VEZT: variants seen among roughly 807,000 people sequenced by gnomAD.
The protein encoded by VEZT is vezatin, adherens junctions transmembrane protein.
Under a neutral mutation model 79.9 loss-of-function variants are expected in VEZT, and 39 were observed. The observed-to-expected ratio is 0.49, with a 90% CI of 0.38 to 0.64. The LOEUF (loss-of-function observed/expected upper bound fraction) is 0.64. VEZT is among the 30% of genes least tolerant of loss of function. VEZT has a pLI of 0.00. For synonymous variants in VEZT, 325 were observed against 327.6 expected, an observed-to-expected ratio of 0.99 and a Z score of 0.09; for missense variants, 837 against 893.1, an observed-to-expected ratio of 0.94 and a Z score of 0.80.
At position 95,251,877 on chromosome 12, in the gene VEZT, G is replaced by C. The variant is rs2062665482; in HGVS notation, c.37-63G>C. ...AATAGTGAAGTCTGGTATTAAGTTT[G>C]GCCCCCGAAACTTTTGAAGTAGTAA... is the stretch of plus-strand genomic sequence containing the variant. On this transcript the variant is annotated intron_variant, in intron 1 of 11. Transcript: ENST00000436874. 5 of 1,511,456 alleles carry C rather than the reference G, an allele frequency of 3.3e-6. No individual in the cohort carries two copies. In the Admixed American group the frequency reaches 9.7e-5, roughly 29 times the overall value. 93.6% of individuals were successfully genotyped at this position (1,511,456 alleles called of 1,614,324 possible).
chr12:95,236,670 A>G (rs142450426), intron 1 of VEZT, among the ~76,000 whole-genome samples: 1 of 151,208 alleles, frequency 6.6e-6, no homozygotes, highest in Non-Finnish European at 1.5e-5. Context: ...TCCTGGGTTC[A>G]GGTGATTCTC....
At chr12:95,222,863 G>A (rs2136486945) in intron 1 of VEZT, among the ~76,000 whole-genome samples, 1 of 152,208 alleles carries the variant, frequency 6.6e-6, no homozygotes, top group Admixed American at 6.5e-5. Context: ...TGTGCTCTAG[G>A]ACTGATTTTA....
rs552801776 is a variant in VEZT, at chr12:95,282,534, C to G, written c.1218C>G (p.His406Gln). The change falls in exon 8 of 12, where the codon CAC becomes CAG. Residue 406 changes from histidine (H) to glutamine (Q), a missense_variant. Transcript: ENST00000436874. ...YEFYRYFETQ[H>Q]QSVPQCLSKT... The stretch of plus-strand genomic sequence containing the variant: ...TCTATCGGTACTTTGAAACTCAGCA[C>G]CAGTCAGTACCGCAGTGTTTATCCA... 17 of 1,613,980 alleles carry G rather than the reference C, an allele frequency of 1.1e-5. No homozygotes were observed. Among genetic ancestry groups the G allele is most frequent in the Non-Finnish European group, 1.4e-5 (17 of 1,179,880 alleles).
At chr12:95,258,554 C>T (rs768391151) in intron 3 of VEZT, among the ~76,000 whole-genome samples, 6 of 152,050 alleles carry the variant, frequency 3.9e-5, no homozygotes, top group African/African-American at 4.8e-5. Flanking sequence ...TTGATTGTGA[C>T]GTATTTAAAA....
intron 1 of VEZT, among the ~76,000 whole-genome samples, chr12:95,228,370 A>G (rs1028095429): frequency 1.8e-4 from 27 of 152,284 alleles, no homozygotes; most frequent in African/African-American, 6.5e-4. Flanking sequence ...ATTCTTTCTT[A>G]CTTGTATTAT....
At chr12:95,257,936 C>T (rs1048825227) in intron 3 of VEZT, among the ~76,000 whole-genome samples, 3 of 152,196 alleles carry the variant, frequency 2.0e-5, no homozygotes, top group African/African-American at 7.2e-5. Context: ...GCTTCAGTAA[C>T]GAGAAAACCA....
In VEZT at chr12:95,263,077, A is replaced by G. The variant is rs1274815389; in HGVS notation, c.430A>G (p.Ile144Val). The G allele has an allele frequency of 1.2e-6, 2 of 1,602,044 alleles. No homozygotes were observed. Among genetic ancestry groups the G allele is most frequent in the Admixed American group, 3.4e-5 (2 of 59,552 alleles). ...PTLCSLATPN[I>V]WDLSMLFAFI... ...ACTTTGCTCCCTGGCAACCCCTAAT[A>G]TTTGGTACTGTCCAGAAAACACCTA... is the stretch of plus-strand genomic sequence containing the variant. The change falls in exon 4 of 12, where the codon ATT (isoleucine) becomes GTT (valine). Residue 144 changes from isoleucine to valine, a missense_variant. By Grantham distance (29) the Ile-to-Val change is conservative. Transcript: ENST00000436874.
chr12:95,294,465 T>A, intron 10 of VEZT, 93 bp downstream of exon 10: 1 of 1,062,914 alleles, frequency 9.4e-7, no homozygotes, highest in African/African-American at 1.6e-5. Context: ...TTATATCAGA[T>A]CATTAGTTCT....
At chr12:95,243,669 T>C (rs2061343628) in intron 1 of VEZT, among the ~76,000 whole-genome samples, 1 of 152,180 alleles carries the variant, frequency 6.6e-6, no homozygotes. Flanking sequence ...ATGTTGAAAT[T>C]TAATTGCCAT....
Position 95,287,666 on chromosome 12 carries a change from T to C in VEZT, c.1331T>C (p.Val444Ala), listed in dbSNP as rs1239258984. The C allele has an allele frequency of 1.3e-6, 2 of 1,555,310 alleles. No homozygotes were observed. Among genetic ancestry groups the C allele is most frequent in the African/African-American group, 2.7e-5 (2 of 73,446 alleles). The change falls in exon 9 of 12, where the codon GTA becomes GCA. Residue 444 changes from valine to alanine, a missense_variant and splice_region_variant. Val to Ala is a moderately conservative substitution (Grantham distance 64). Coordinates refer to ENST00000436874, the MANE Select transcript of VEZT (RefSeq NM_017599.4). ...TTCTGTTTTTCTTTATGACTCAGGG[T>C]AATAATTCTTGAAGATGAACTTGAA... ...QLHLKALLNE[V>A]IILEDELEKL...
At chr12:95,279,319 G>A (rs1463149583) in intron 7 of VEZT, among the ~76,000 whole-genome samples, 1 of 151,984 alleles carries the variant, frequency 6.6e-6, no homozygotes, top group East Asian at 1.9e-4. Flanking sequence ...TTTGGATTAG[G>A]GATACTCAAT....
intron 7 of VEZT, among the ~76,000 whole-genome samples, chr12:95,277,463 T>TA (rs576849435): frequency 0.086 from 12,764 of 148,426 alleles, 569 homozygotes; most frequent in Middle Eastern, 0.12. Flanking sequence ...CAACCCTGTT[T>TA]AAAAAAAAAA....
chr12:95,235,532 G>A (rs1249248659), intron 1 of VEZT, among the ~76,000 whole-genome samples: 34 of 142,288 alleles, frequency 2.4e-4, no homozygotes, highest in Non-Finnish European at 2.9e-4. Context: ...GCAGCTGGCC[G>A]GGCGGGGGGC....
At chr12:95,235,464 G>T (rs530851143) in intron 1 of VEZT, among the ~76,000 whole-genome samples, 8,683 of 119,782 alleles carry the variant, frequency 0.072, 267 homozygotes, top group Non-Finnish European at 0.11. Flanking sequence ...GGGCAGAGGG[G>T]CTCCTCACTT....
At chr12:95,248,315 A>G (rs1253486259) in intron 1 of VEZT, among the ~76,000 whole-genome samples, 1 of 152,250 alleles carries the variant, frequency 6.6e-6, no homozygotes, top group Non-Finnish European at 1.5e-5. Context: ...TCTGTGATAT[A>G]TAAAGTGAAT....
At chr12:95,257,722 G>A (rs1266005139) in intron 3 of VEZT, among the ~76,000 whole-genome samples, 2 of 152,170 alleles carry the variant, frequency 1.3e-5, no homozygotes, top group Non-Finnish European at 2.9e-5. Context: ...AATCCAGGGA[G>A]TATAGCCTAA....
intron 1 of VEZT, among the ~76,000 whole-genome samples, chr12:95,246,718 G>T (rs143850307): frequency 6.6e-6 from 1 of 152,266 alleles, no homozygotes; most frequent in African/African-American, 2.4e-5. Flanking sequence ...TTCCTGAGGA[G>T]CTCCCACATG....
At chr12:95,257,889 G>T (rs913526102) in intron 3 of VEZT, among the ~76,000 whole-genome samples, 1 of 152,038 alleles carries the variant, frequency 6.6e-6, no homozygotes, top group African/African-American at 2.4e-5. Flanking sequence ...TTCACATTTT[G>T]ATTTGGTAAT....
At chr12:95,265,677 T>C (rs1593675635) in intron 4 of VEZT, among the ~76,000 whole-genome samples, 1 of 152,172 alleles carries the variant, frequency 6.6e-6, no homozygotes, top group East Asian at 1.9e-4. Context: ...TAGCAATTTC[T>C]TTGGGGTCAC....
Sources: allele counts gnomAD v4.1 joint callset (sites outside exome capture counted in the v4.1 genomes callset), GRCh38; gene constraint gnomAD v4.1.1; transcripts MANE v1.5; gene names NCBI Gene and HGNC (gene_info 2026-07-23, HGNC 2026-07-21).